TMEM220: variants seen among roughly 807,000 people sequenced by gnomAD.
The protein encoded by TMEM220 is transmembrane protein 220.
In TMEM220, 21 loss-of-function variants were observed where a neutral mutation model predicts 21.7. That is an observed-to-expected ratio of 0.97 (90% CI 0.69 to 1.39). The LOEUF is 1.39. Ranked by LOEUF, TMEM220 falls within the 40% of genes most tolerant of loss-of-function variation. TMEM220 has a pLI of 0.00. For missense variants in TMEM220, 191 were observed against 201.9 expected, an observed-to-expected ratio of 0.95 and a Z score of 0.33; for synonymous variants, 80 against 73.6, an observed-to-expected ratio of 1.09 and a Z score of -0.45.
intron 5 of TMEM220, among the ~76,000 whole-genome samples, chr17:10,719,823 A>G (rs946393308): frequency 6.6e-6 from 1 of 152,246 alleles, no homozygotes; most frequent in Non-Finnish European, 1.5e-5. Flanking sequence ...CTGCAAAGAA[A>G]TACTTTCAGC....
rs2074889351 is a variant in TMEM220 at position 10,714,771 on chromosome 17, T to C, written c.*682A>G. On this transcript the variant is annotated 3_prime_UTR_variant, in exon 6 of 6. Transcript: ENST00000341871. The stretch of plus-strand genomic sequence containing the variant: ...TGCCTCTACAAAAAATTTAAAAAAA[T>C]TTAGCCGGGCATGGTGGTGCACACT... The C allele has an allele frequency of 6.6e-6, 1 of 151,976 alleles. No individual in the cohort carries two copies. The highest frequency in any genetic ancestry group is 1.5e-5 in the Non-Finnish European group (1 of 68,062). The allele number at this position is 151,976 out of a possible 1,614,324, so 9.4% of individuals were successfully genotyped here.
rs141625709 is a variant in TMEM220 at position 10,716,043 on chromosome 17, ACCCC to A, written c.348-459_348-456del. On this transcript the variant is annotated intron_variant, in intron 5 of 5. Coordinates refer to ENST00000341871, the MANE Select transcript of TMEM220 (RefSeq NM_001004313.3). ...ATAATGGTAATTAAAAACTACTCCCACCCCCCCATGTCCACATCAATATTCAGTT... is the reference window on the plus strand; with the variant it reads ...ATAATGGTAATTAAAAACTACTCCCACCCATGTCCACATCAATATTCAGTT... The A allele has an allele frequency of 5.6e-5, 33 of 589,596 alleles. No individual in the cohort carries two copies. The Admixed American group carries it at 7.2e-4, about 13-fold the overall frequency. 36.5% of individuals were successfully genotyped at this position (589,596 alleles called of 1,614,324 possible).
chr17:10,720,264 T>C (rs453978), intron 5 of TMEM220, among the ~76,000 whole-genome samples: 74,907 of 152,080 alleles, frequency 0.49, 19,154 homozygotes, highest in African/African-American at 0.63. Context: ...CATATGGCTA[T>C]TAACTGCAGC....
chr17:10,729,662 T>A, intron 1 of TMEM220, 118 bp downstream of exon 1: 1 of 860,902 alleles, frequency 1.2e-6, no homozygotes, highest in Admixed American at 4.1e-5. Flanking sequence ...CCAAGTCCCG[T>A]CCTCCCCACT....
rs1053527538 is a variant in TMEM220 at position 10,714,273 on chromosome 17, A to G, written c.*1180T>C. ...CATTGGAAATACTTTATCTGTATTT[A>G]GGTATCATAAAATTTGCAATTGGAA... On this transcript the variant is annotated 3_prime_UTR_variant, in exon 6 of 6. Transcript: ENST00000341871. 6.6e-6 allele frequency: 1 copy of G among 152,116 alleles called. No homozygotes were observed. The highest frequency in any genetic ancestry group is 1.5e-5 in the Non-Finnish European group (1 of 68,024). The allele number at this position is 152,116 out of a possible 1,614,324, so 9.4% of individuals were successfully genotyped here. A position where few individuals can be genotyped will look rare whatever the true frequency, so the allele number is the denominator to read the frequency against.
downstream of TMEM220, chr17:10,711,254 G>A: frequency 1.2e-6 from 1 of 831,858 alleles, no homozygotes; most frequent in East Asian, 2.7e-5. Context: ...ATAACAAAAT[G>A]TATTTATAGT....
intron 1 of TMEM220, among the ~76,000 whole-genome samples, chr17:10,729,436 C>G (rs1466549425): frequency 6.6e-6 from 1 of 152,284 alleles, no homozygotes; most frequent in South Asian, 2.1e-4. Context: ...GGGTTTTGGT[C>G]GGCTTCGTCT....
In TMEM220 at chr17:10,729,949, G is replaced by C; in HGVS notation, c.-98C>G. The C allele has an allele frequency of 2.4e-6, 3 of 1,233,962 alleles. No individual in the cohort carries two copies. The highest frequency in any genetic ancestry group is 2.0e-6 in the Non-Finnish European group (2 of 987,966). The allele number at this position is 1,233,962 out of a possible 1,614,324, so 76.4% of individuals were successfully genotyped here. ...GCCTTCCTCCTTGCGCGGAGGGACC[G>C]AGACCCCCGCCTCGGTTTCGGTGCC... On this transcript the variant is annotated 5_prime_UTR_variant, in exon 1 of 6. Transcript: ENST00000341871.
At chr17:10,729,660 C>G (rs1414919680) in intron 1 of TMEM220, 120 bp downstream of exon 1, 11 of 846,940 alleles carry the variant, frequency 1.3e-5, no homozygotes, top group Non-Finnish European at 1.6e-5. Context: ...GCCCAAGTCC[C>G]GTCCTCCCCA....
chr17:10,725,178 C>G (rs374455629), intron 3 of TMEM220, 44 bp from the exon 4 acceptor site: 1 of 1,597,392 alleles, frequency 6.3e-7, no homozygotes, highest in Admixed American at 1.8e-5. Flanking sequence ...GAATCACAGC[C>G]CACAGAAAAA....
intron 5 of TMEM220, among the ~76,000 whole-genome samples, chr17:10,721,769 G>T (rs2074995215): frequency 6.7e-6 from 1 of 149,294 alleles, no homozygotes. Flanking sequence ...TTTTATATAT[G>T]TTTGAAAATT....
intron 5 of TMEM220, chr17:10,716,581 C>G: frequency 2.0e-6 from 1 of 498,032 alleles, no homozygotes; most frequent in African/African-American, 2.0e-5. Context: ...GCACCCAACA[C>G]TCTGTTTTGC....
rs1026408732 is a variant in TMEM220 at position 10,714,070 on chromosome 17, A to G, written c.*1383T>C. On this transcript the variant is annotated 3_prime_UTR_variant, in exon 6 of 6. Transcript: ENST00000341871. Reference sequence around the variant, plus strand: ...CAGAAATGCAATGTAAGCCACGTAAATAAAAGTAAACAGAAACAGATAAAA... The same window carrying G: ...CAGAAATGCAATGTAAGCCACGTAAGTAAAAGTAAACAGAAACAGATAAAA... The G allele has an allele frequency of 3.3e-5, 5 of 152,226 alleles. No individual in the cohort carries two copies. The highest frequency in any genetic ancestry group is 1.2e-4 in the African/African-American group (5 of 41,462). The allele number at this position is 152,226 out of a possible 1,614,324, so 9.4% of individuals were successfully genotyped here. A position where few individuals can be genotyped will look rare whatever the true frequency, so the allele number is the denominator to read the frequency against.
In TMEM220 at chr17:10,715,344, T is replaced by C. The variant is rs57877913; in HGVS notation, c.*109A>G. 2 of 840,576 alleles carry C rather than the reference T, an allele frequency of 2.4e-6. No homozygotes were observed. Among genetic ancestry groups the C allele is most frequent in the Non-Finnish European group, 3.4e-6 (2 of 585,554 alleles). 52.1% of individuals were successfully genotyped at this position (840,576 alleles called of 1,614,324 possible). A position where few individuals can be genotyped will look rare whatever the true frequency, so the allele number is the denominator to read the frequency against. On this transcript the variant is annotated 3_prime_UTR_variant, in exon 6 of 6. Coordinates refer to ENST00000341871, the MANE Select transcript of TMEM220 (RefSeq NM_001004313.3). ...ACCCTTAAAAAGTTATTTGGAGTTTTAAAACTATTAGCCCAAATTACCTGA... is the reference window on the plus strand; with the variant it reads ...ACCCTTAAAAAGTTATTTGGAGTTTCAAAACTATTAGCCCAAATTACCTGA...
At chr17:10,720,637 AT>A (rs148690690) in intron 5 of TMEM220, among the ~76,000 whole-genome samples, 5,438 of 152,272 alleles carry the variant, frequency 0.036, 317 homozygotes, top group African/African-American at 0.12. Context: ...CCATGTAGAT[AT>A]TTTACATAAT....
downstream of TMEM220, among the ~76,000 whole-genome samples, chr17:10,711,934 A>AT (rs2074856780): frequency 6.6e-6 from 1 of 152,260 alleles, no homozygotes; most frequent in East Asian, 1.9e-4. Context: ...CTAAACAACT[A>AT]TAAGAAATAA....
chr17:10,711,738 C>A (rs921567820), downstream of TMEM220, among the ~76,000 whole-genome samples: 1 of 152,226 alleles, frequency 6.6e-6, no homozygotes, highest in Admixed American at 6.5e-5. Context: ...GCCACCTGGC[C>A]TGGTCTGTTT....
rs1301904337 is a variant in TMEM220 at position 10,729,952 on chromosome 17, A to AC, written c.-102dup. On this transcript the variant is annotated 5_prime_UTR_variant, in exon 1 of 6. Transcript: ENST00000341871. Reference sequence around the variant, plus strand: ...TTCCTCCTTGCGCGGAGGGACCGAGACCCCCGCCTCGGTTTCGGTGCCTTG... The same window carrying AC: ...TTCCTCCTTGCGCGGAGGGACCGAGACCCCCCGCCTCGGTTTCGGTGCCTTG... 3 of 1,231,936 alleles carry AC rather than the reference A, an allele frequency of 2.4e-6. No individual in the cohort carries two copies. The highest frequency in any genetic ancestry group is 2.0e-6 in the Non-Finnish European group (2 of 987,240). The allele number at this position is 1,231,936 out of a possible 1,614,324, so 76.3% of individuals were successfully genotyped here.
At chr17:10,729,096 C>A (rs1203261949) in intron 1 of TMEM220, 36 bp from the exon 2 acceptor site, 3 of 1,613,168 alleles carry the variant, frequency 1.9e-6, no homozygotes, top group Non-Finnish European at 1.7e-6. Context: ...TAGCAGACAT[C>A]CTGTGCTGTT....
Sources: gnomAD v4.1 joint callset for allele counts (sites outside exome capture counted in the v4.1 genomes callset) on GRCh38, gnomAD v4.1.1 for gene constraint, MANE v1.5 for transcripts, NCBI Gene and HGNC (gene_info 2026-07-23, HGNC 2026-07-21) for gene names.